The following NAV2 variants were observed in gnomAD, a reference collection of about 807,000 sequenced individuals.
NAV2 encodes the protein neuron navigator 2.
NAV2 carries 54 observed loss-of-function variants against 223.2 expected under a neutral mutation model. That is an observed-to-expected ratio of 0.24 (90% confidence interval 0.19 to 0.30). The LOEUF (loss-of-function observed/expected upper bound fraction) is 0.30, where lower values mean the gene tolerates loss of function less well. NAV2 is among the 10% of genes least tolerant of loss of function. The probability of loss-of-function intolerance (pLI) is 1.00; values close to 1 mark genes in which losing one functional copy is unlikely to be tolerated. For missense variants in NAV2, 2,806 were observed against 3,147.5 expected (o/e 0.89, Z 2.60); for synonymous variants, 1,279 against 1,239.3 (o/e 1.03, Z -0.67).
At chr11:19,440,440 A>G (rs1851359796) in intron 1 of NAV2, among the ~76,000 whole-genome samples, 1 of 152,144 alleles carries the variant, frequency 6.6e-6, no homozygotes, top group African/African-American at 2.4e-5. Context: ...GTATTGTCCA[A>G]GCTGCTGGGG....
At chr11:20,010,427 G>A (rs1008762161) in intron 11 of NAV2, among the ~76,000 whole-genome samples, 4 of 152,156 alleles carry the variant, frequency 2.6e-5, no homozygotes, top group African/African-American at 4.8e-5. Context: ...CTTAATAATT[G>A]TGAGTCTCCT....
At chr11:20,062,718 G>A (rs918796341) in intron 20 of NAV2, among the ~76,000 whole-genome samples, 4 of 152,062 alleles carry the variant, frequency 2.6e-5, no homozygotes, top group East Asian at 1.9e-4. Flanking sequence ...TATTTGAGAC[G>A]GAGTCTCCCT....
At chr11:19,475,880 G>A (rs1408128080) in intron 1 of NAV2, among the ~76,000 whole-genome samples, 8 of 152,368 alleles carry the variant, frequency 5.3e-5, no homozygotes, top group Admixed American at 2.0e-4. Context: ...TAAGAGCCAC[G>A]AAGTGGCTGC....
At chr11:19,681,433 G>A (rs111806988) in intron 1 of NAV2, among the ~76,000 whole-genome samples, 37 of 152,108 alleles carry the variant, frequency 2.4e-4, no homozygotes, top group African/African-American at 8.7e-4. Flanking sequence ...TTTGAACCCA[G>A]GTCTCTCTGC....
intron 6 of NAV2, among the ~76,000 whole-genome samples, chr11:19,925,280 G>A (rs915475278): frequency 3.9e-5 from 6 of 152,066 alleles, no homozygotes; most frequent in Admixed American, 1.3e-4. Flanking sequence ...TTTAATTTCC[G>A]TGAATCCAAC....
At chr11:19,686,383 C>A (rs1007379732) in intron 1 of NAV2, among the ~76,000 whole-genome samples, 1 of 152,172 alleles carries the variant, frequency 6.6e-6, no homozygotes, top group Non-Finnish European at 1.5e-5. Flanking sequence ...TGGGCCTGAC[C>A]ACAAAGCAGG....
In NAV2 at chr11:19,960,683, A is replaced by T. The variant is rs974306873; in HGVS notation, c.2645+11603A>T. ...GGCTGGAGGGCAGTGGCACAATCTC[A>T]GCTCACTGCAACCTCTGCCTCCCGC... On this transcript the variant is annotated intron_variant, in intron 10 of 37. Coordinates refer to ENST00000349880, the MANE Select transcript of NAV2 (RefSeq NM_145117.5). Among the ~76,000 whole-genome samples the T allele has an allele frequency of 3.3e-5, 5 of 152,004 alleles. No homozygotes were observed. In the East Asian group the frequency reaches 7.8e-4, roughly 24 times the overall value.
intron 11 of NAV2, among the ~76,000 whole-genome samples, chr11:19,989,237 A>G (rs1480769692): frequency 2.0e-5 from 3 of 152,212 alleles, no homozygotes; most frequent in South Asian, 4.1e-4. Flanking sequence ...TGGGTCCAAC[A>G]TAATCACAAG....
In NAV2 at chr11:19,356,218, G is replaced by A. The variant is rs549825902; in HGVS notation, c.75+5191G>A. Among the ~76,000 whole-genome samples the A allele has an allele frequency of 8.4e-4, 128 of 152,326 alleles. 1 individual carries two copies. In the Middle Eastern group the frequency reaches 0.02, roughly 24 times the overall value. On this transcript the variant is annotated intron_variant, in intron 1 of 37. Transcript: ENST00000360655. ...CACTGAAGACGAAAGGAGAGAGACT[G>A]TAGCCAGATGCAACTCCATTCAGTA... is the stretch of plus-strand genomic sequence containing the variant.
intron 12 of NAV2, among the ~76,000 whole-genome samples, chr11:20,043,198 T>C (rs1270986792): frequency 1.3e-5 from 2 of 152,128 alleles, no homozygotes; most frequent in Non-Finnish European, 2.9e-5. Flanking sequence ...CTTGGTGTGT[T>C]AGATCCAAAG....
At chr11:19,965,388 CA>C (rs1208687391) in intron 10 of NAV2, among the ~76,000 whole-genome samples, 1 of 152,138 alleles carries the variant, frequency 6.6e-6, no homozygotes, top group Non-Finnish European at 1.5e-5. Context: ...TTCCACCATC[CA>C]TTTTTTTTTC....
intron 1 of NAV2, among the ~76,000 whole-genome samples, chr11:19,426,773 T>C (rs1437088956): frequency 6.6e-6 from 1 of 151,992 alleles, no homozygotes; most frequent in Non-Finnish European, 1.5e-5. Context: ...GGCAGGAAAA[T>C]TTATGTCTCT....
At chr11:19,892,943 A>G (rs1043775932) in intron 6 of NAV2, among the ~76,000 whole-genome samples, 1 of 152,038 alleles carries the variant, frequency 6.6e-6, no homozygotes, top group African/African-American at 2.4e-5. Flanking sequence ...AGCTTCTTGG[A>G]GCATGCATTT....
chr11:19,472,102 C>G (rs953749399), intron 1 of NAV2, among the ~76,000 whole-genome samples: 1 of 152,198 alleles, frequency 6.6e-6, no homozygotes, highest in African/African-American at 2.4e-5. Flanking sequence ...GGTATTCTTT[C>G]TTCTCTGGGT....
intron 1 of NAV2, among the ~76,000 whole-genome samples, chr11:19,409,981 C>A (rs1431412543): frequency 1.3e-5 from 2 of 152,146 alleles, no homozygotes; most frequent in African/African-American, 4.8e-5. Flanking sequence ...GGGCTAGGAA[C>A]TTCTCTGGGA....
At position 19,838,017 on chromosome 11, in the gene NAV2, A is replaced by C. The variant is rs148153105; in HGVS notation, c.386-4854A>C. Among the ~76,000 whole-genome samples, 711 of 152,314 alleles carry C rather than the reference A, an allele frequency of 4.7e-3. 5 individuals carry two copies. Among genetic ancestry groups the C allele is most frequent in the African/African-American group, 0.016 (682 of 41,562 alleles). ...TGAAATGGCTCAGAAGAAAGATGAT[A>C]TGTGTGCCTTACAGATAAAGGAGGG... On this transcript the variant is annotated intron_variant, in intron 2 of 37. Transcript: ENST00000349880.
intron 11 of NAV2, among the ~76,000 whole-genome samples, chr11:20,004,227 T>A (rs190743858): frequency 6.6e-6 from 1 of 152,360 alleles, no homozygotes; most frequent in Admixed American, 6.5e-5. Flanking sequence ...CTATTTTGTA[T>A]GTTCACCAGA....
chr11:19,637,191 G>T (rs1050724768), intron 1 of NAV2, among the ~76,000 whole-genome samples: 1 of 152,170 alleles, frequency 6.6e-6, no homozygotes, highest in Non-Finnish European at 1.5e-5. Flanking sequence ...GTACCTTCCT[G>T]GAAAACGTAG....
At position 20,022,972 on chromosome 11, in the gene NAV2, T is replaced by G. The variant is rs187942856; in HGVS notation, c.2769-12987T>G. The G allele has an allele frequency of 2.7e-4, 381 of 1,392,394 alleles. 6 individuals carry two copies. The Admixed American group carries it at 4.5e-3, about 16-fold the overall frequency. The allele number at this position is 1,392,394 out of a possible 1,614,324, so 86.3% of individuals were successfully genotyped here. A position where few individuals can be genotyped will look rare whatever the true frequency, so the allele number is the denominator to read the frequency against. On this transcript the variant is annotated intron_variant, in intron 11 of 37. Coordinates refer to ENST00000349880, the MANE Select transcript of NAV2 (RefSeq NM_145117.5). ...TGGTGATCCCTGCTAGCTAGTCCTT[T>G]AGTTACAGAGTTGCTGGGTGCCTGG...
Sources: gnomAD v4.1 joint callset for allele counts (sites outside exome capture counted in the v4.1 genomes callset) on GRCh38, gnomAD v4.1.1 for gene constraint, MANE v1.5 for transcripts, NCBI Gene and HGNC (gene_info 2026-07-23, HGNC 2026-07-21) for gene names.